The following PPP2R2A variants were observed in gnomAD, a reference collection of about 807,000 sequenced individuals.
The protein encoded by PPP2R2A is serine/threonine-protein phosphatase 2A 55 kDa regulatory subunit B alpha isoform.
PPP2R2A carries 9 observed loss-of-function variants against 53.2 expected under a neutral mutation model. The observed-to-expected ratio is 0.17, with a 90% CI of 0.10 to 0.30. The LOEUF (loss-of-function observed/expected upper bound fraction) is 0.30, where lower values mean the gene tolerates loss of function less well. Ranked by LOEUF, PPP2R2A falls within the 10% of genes least tolerant of loss-of-function variation. The probability of loss-of-function intolerance (pLI) is 1.00; values close to 1 mark genes in which losing one functional copy is unlikely to be tolerated. For synonymous variants in PPP2R2A, 169 were observed against 174.2 expected (o/e 0.97, Z 0.23); for missense variants, 235 against 534.6 (o/e 0.44, Z 5.53).
chr8:26,368,379 C>T (rs1443580122), intron 9 of PPP2R2A, among the ~76,000 whole-genome samples: 1 of 152,134 alleles, frequency 6.6e-6, no homozygotes, highest in African/African-American at 2.4e-5. Flanking sequence ...TGGTAAGCAG[C>T]GGTAGCAGAC....
chr8:26,308,612 T>C (rs1184203749), intron 2 of PPP2R2A, among the ~76,000 whole-genome samples: 1 of 152,238 alleles, frequency 6.6e-6, no homozygotes, highest in Non-Finnish European at 1.5e-5. Context: ...TCTAGTTCTC[T>C]CGCTATTTCC....
intron 2 of PPP2R2A, among the ~76,000 whole-genome samples, chr8:26,308,197 G>A (rs1802111423): frequency 6.6e-6 from 1 of 152,246 alleles, no homozygotes; most frequent in Non-Finnish European, 1.5e-5. Context: ...TTTTTTGCCA[G>A]TAGAGGATCT....
chr8:26,299,480 G>A (rs1212720963), intron 2 of PPP2R2A, among the ~76,000 whole-genome samples: 4 of 152,110 alleles, frequency 2.6e-5, no homozygotes, highest in African/African-American at 9.7e-5. Flanking sequence ...CAAGTACATT[G>A]TGTGTTTTCA....
At chr8:26,306,620 C>T (rs1025550034) in intron 2 of PPP2R2A, among the ~76,000 whole-genome samples, 4 of 151,668 alleles carry the variant, frequency 2.6e-5, no homozygotes, top group African/African-American at 4.9e-5. Context: ...CTAGTTTGTA[C>T]GTCTGTTTTA....
intron 2 of PPP2R2A, among the ~76,000 whole-genome samples, chr8:26,296,524 C>T (rs535351998): frequency 6.6e-6 from 1 of 152,326 alleles, no homozygotes; most frequent in South Asian, 2.1e-4. Flanking sequence ...CTAATTTCCT[C>T]TTTTGGAAAT....
At chr8:26,366,956 A>G (rs1805408939) in intron 9 of PPP2R2A, among the ~76,000 whole-genome samples, 1 of 152,112 alleles carries the variant, frequency 6.6e-6, no homozygotes, top group Admixed American at 6.6e-5. Context: ...AATGTTACCC[A>G]TTATTTAAAG....
At chr8:26,308,798 G>C (rs1342719156) in intron 2 of PPP2R2A, among the ~76,000 whole-genome samples, 2 of 152,104 alleles carry the variant, frequency 1.3e-5, no homozygotes, top group African/African-American at 4.8e-5. Flanking sequence ...GAGGTTTTCA[G>C]TTGACTTTGC....
At chr8:26,310,624 C>T (rs565788891) in intron 2 of PPP2R2A, among the ~76,000 whole-genome samples, 1 of 145,126 alleles carries the variant, frequency 6.9e-6, no homozygotes, top group Non-Finnish European at 1.5e-5. Flanking sequence ...GATATATTAT[C>T]TGGAAATGGG....
chr8:26,324,228 AC>A (rs1337398186), intron 2 of PPP2R2A, among the ~76,000 whole-genome samples: 2 of 151,978 alleles, frequency 1.3e-5, no homozygotes, highest in African/African-American at 4.8e-5. Context: ...TTCTTTGACC[AC>A]CCTACCTGAA....
chr8:26,292,178 C>T, intron 1 of PPP2R2A: 2 of 1,169,786 alleles, frequency 1.7e-6, no homozygotes, highest in Non-Finnish European at 1.1e-6. Context: ...CACCTTGCCC[C>T]CCGCCTTTAT....
chr8:26,305,218 G>A (rs920158058), intron 2 of PPP2R2A, among the ~76,000 whole-genome samples: 1 of 152,188 alleles, frequency 6.6e-6, no homozygotes, highest in African/African-American at 2.4e-5. Flanking sequence ...GTTCATCCCT[G>A]TTGTAGTATG....
intron 2 of PPP2R2A, among the ~76,000 whole-genome samples, chr8:26,330,640 A>G (rs1803322232): frequency 6.6e-6 from 1 of 152,136 alleles, no homozygotes; most frequent in Non-Finnish European, 1.5e-5. Context: ...TCTTGATCAT[A>G]TGGAGCATAT....
rs764170520 is a variant in PPP2R2A, at chr8:26,361,156, C to G, written c.637+5C>G. ...AAATTACAGACAGGAGTTTTAGTAT[C>G]CATTTGGTTTTCTTTGGTGTTTGGT... On this transcript the variant is annotated splice_donor_5th_base_variant and intron_variant, in intron 6 of 9. Coordinates refer to ENST00000380737, the MANE Select transcript of PPP2R2A (RefSeq NM_002717.4). 3.4e-5 allele frequency: 54 copies of G among 1,578,016 alleles called. No homozygotes were observed. The highest frequency in any genetic ancestry group is 2.6e-6 in the Non-Finnish European group (3 of 1,166,478).
At position 26,360,123 on chromosome 8, in the gene PPP2R2A, TTTTC is replaced by T; in HGVS notation, c.347-43_347-40del. ...GCATATTTTAAATGCCTTAAAATGT[TTTTC>T]TTCTTCAGTATTTTAAGGACTTTTC... On this transcript the variant is annotated intron_variant, in intron 4 of 9. Transcript: ENST00000380737. This position sits in a 1 kb window ranked among gnomAD's most constrained non-coding sequence, Gnocchi z 4.5. 1 of 1,102,614 alleles carries T rather than the reference TTTTC, an allele frequency of 9.1e-7. No individual in the cohort carries two copies. The highest frequency in any genetic ancestry group is 1.3e-6 in the Non-Finnish European group (1 of 744,772). 68.3% of individuals were successfully genotyped at this position (1,102,614 alleles called of 1,614,324 possible).
intron 2 of PPP2R2A, among the ~76,000 whole-genome samples, chr8:26,327,667 A>C (rs990772835): frequency 2.0e-5 from 3 of 151,800 alleles, no homozygotes; most frequent in African/African-American, 7.3e-5. Flanking sequence ...TGATTAGCTA[A>C]GCTACCTTTC....
intron 3 of PPP2R2A, among the ~76,000 whole-genome samples, chr8:26,340,378 A>G (rs553612213): frequency 3.4e-4 from 51 of 152,132 alleles, no homozygotes; most frequent in African/African-American, 1.2e-3. Context: ...CCAAAATGTG[A>G]AAGTTTTTAT....
In PPP2R2A at chr8:26,296,337, T is replaced by C. The variant is rs188879630; in HGVS notation, c.82+2597T>C. 1.0e-3 allele frequency among the ~76,000 whole-genome samples: 156 copies of C among 152,334 alleles called. 1 individual carries two copies. Among genetic ancestry groups the C allele is most frequent in the Non-Finnish European group, 1.7e-3 (118 of 68,032 alleles). On this transcript the variant is annotated intron_variant, in intron 2 of 9. Transcript: ENST00000380737. ...CAATATGGCCTCTGCTCTCAGTTTA[T>C]TTGCTGCTATGGCTAATGACCCAGC...
intron 2 of PPP2R2A, among the ~76,000 whole-genome samples, chr8:26,334,877 G>A (rs62490962): frequency 2.9e-4 from 44 of 152,210 alleles, no homozygotes; most frequent in Middle Eastern, 3.2e-3. Context: ...TCTAAGAGTA[G>A]ATTATTTTCT....
rs568474001 is a variant in PPP2R2A, at chr8:26,314,649, T to C, written c.82+20909T>C. 4.6e-5 allele frequency among the ~76,000 whole-genome samples: 7 copies of C among 152,304 alleles called. No individual in the cohort carries two copies. The South Asian group carries it at 1.5e-3, about 32-fold the overall frequency. On this transcript the variant is annotated intron_variant, in intron 2 of 9. Coordinates refer to ENST00000380737, the MANE Select transcript of PPP2R2A (RefSeq NM_002717.4). ...CGTTAGAATTTGGGAGGTGTTTCTT[T>C]TGTCTGTTAGCTTCCGGTGTTACAT... is the stretch of plus-strand genomic sequence containing the variant.
Sources: allele counts gnomAD v4.1 joint callset (sites outside exome capture counted in the v4.1 genomes callset), GRCh38; gene constraint gnomAD v4.1.1; non-coding constraint Gnocchi (gnomAD v3.1); transcripts MANE v1.5; gene names NCBI Gene and HGNC (gene_info 2026-07-23, HGNC 2026-07-21).